The following LRP1B variants were observed in gnomAD, a reference collection of about 807,000 sequenced individuals.
LRP1B encodes the protein low-density lipoprotein receptor-related protein 1B.
In LRP1B, 217 loss-of-function variants were observed where a neutral mutation model predicts 556.6. The ratio of observed to expected loss-of-function variants is 0.39; its 90% confidence interval spans 0.35 to 0.44. The LOEUF is 0.44. LRP1B is among the 20% of genes least tolerant of loss of function. The pLI is 1.00. For synonymous variants in LRP1B, 2,047 were observed against 1,865.8 expected, an observed-to-expected ratio of 1.10 and a Z score of -2.50; for missense variants, 5,053 against 5,620.8, an observed-to-expected ratio of 0.90 and a Z score of 3.23.
At chr2:141,802,942 A>C (rs1337705980) in intron 2 of LRP1B, among the ~76,000 whole-genome samples, 2 of 152,084 alleles carry the variant, frequency 1.3e-5, no homozygotes, top group Non-Finnish European at 2.9e-5. Context: ...TTTACAGTAC[A>C]TCGTCTTTTA....
At chr2:141,416,501 T>G (rs1185835977) in intron 3 of LRP1B, among the ~76,000 whole-genome samples, 1 of 142,620 alleles carries the variant, frequency 7.0e-6, no homozygotes, top group Admixed American at 7.4e-5. Flanking sequence ...TCGCCCAGAC[T>G]GGAGTGCAGT....
At chr2:141,203,505 C>T (rs1408053662) in intron 6 of LRP1B, among the ~76,000 whole-genome samples, 1 of 152,098 alleles carries the variant, frequency 6.6e-6, no homozygotes, top group African/African-American at 2.4e-5. Context: ...TATATATGCA[C>T]CCAATACAGG....
At position 141,879,106 on chromosome 2, in the gene LRP1B, A is replaced by G. The variant is rs1379137061; in HGVS notation, c.83-68705T>C. 2.7e-5 allele frequency among the ~76,000 whole-genome samples: 4 copies of G among 150,798 alleles called. No homozygotes were observed. The East Asian group carries it at 7.7e-4, about 29-fold the overall frequency. ...ATATAATTATGATAAATCAAAATAT[A>G]TTTATTTACATGCATAAAATATAGG... On this transcript the variant is annotated intron_variant, in intron 1 of 90. Coordinates refer to ENST00000389484, the MANE Select transcript of LRP1B (RefSeq NM_018557.3).
chr2:141,707,392 G>T (rs907081359), intron 2 of LRP1B, among the ~76,000 whole-genome samples: 3 of 152,020 alleles, frequency 2.0e-5, no homozygotes, highest in Admixed American at 6.6e-5. Context: ...TCCTAGGAAG[G>T]ATCTGATACC....
At chr2:141,869,311 G>A (rs1321205766) in intron 1 of LRP1B, among the ~76,000 whole-genome samples, 1 of 151,898 alleles carries the variant, frequency 6.6e-6, no homozygotes, top group African/African-American at 2.4e-5. Context: ...TGTGGCTAGT[G>A]GCTACTACAT....
intron 18 of LRP1B, among the ~76,000 whole-genome samples, chr2:140,964,683 TA>T (rs939233416): frequency 1.3e-5 from 2 of 151,818 alleles, no homozygotes; most frequent in African/African-American, 2.4e-5. Flanking sequence ...AATATTGGAA[TA>T]AAAAGTAATT....
chr2:141,429,305 T>TTTTA (rs879407939), intron 3 of LRP1B, among the ~76,000 whole-genome samples: 3,811 of 152,218 alleles, frequency 0.025, 159 homozygotes, highest in African/African-American at 0.087. Context: ...AATATACACA[T>TTTTA]AGTATTTTCT....
At chr2:141,053,393 A>AT (rs1033134958) in intron 10 of LRP1B, among the ~76,000 whole-genome samples, 6 of 151,668 alleles carry the variant, frequency 4.0e-5, no homozygotes, top group African/African-American at 1.5e-4. Context: ...CCTCTTCTTT[A>AT]TTTTTTGCCA....
At chr2:140,490,006 G>A (rs1688634659) in intron 57 of LRP1B, among the ~76,000 whole-genome samples, 1 of 151,986 alleles carries the variant, frequency 6.6e-6, no homozygotes, top group East Asian at 1.9e-4. Flanking sequence ...CCAGTGCAAT[G>A]GTCTCTTTGC....
chr2:141,525,576 T>C (rs1684669174), intron 2 of LRP1B, among the ~76,000 whole-genome samples: 1 of 152,086 alleles, frequency 6.6e-6, no homozygotes, highest in South Asian at 2.1e-4. Context: ...ATTAAATAAT[T>C]ATGCTTTCAA....
chr2:140,784,411 C>CACACACACACAT lies in LRP1B; in HGVS notation c.5360-8174_5360-8173insATGTGTGTGTGT, dbSNP rs777213091. Among the ~76,000 whole-genome samples, 154 of 150,098 alleles carry CACACACACACAT rather than the reference C, an allele frequency of 1.0e-3. No homozygotes were observed. In the Middle Eastern group the frequency reaches 0.017, roughly 17 times the overall value. On this transcript the variant is annotated intron_variant, in intron 32 of 90. Transcript: ENST00000389484. The stretch of plus-strand genomic sequence containing the variant: ...ACACACACACACACACACACACACA[C>CACACACACACAT]ACACACACACAAAAGGCTCAGTGCA...
chr2:140,725,030 A>C (rs1687543247), intron 35 of LRP1B, among the ~76,000 whole-genome samples: 1 of 152,158 alleles, frequency 6.6e-6, no homozygotes, highest in Non-Finnish European at 1.5e-5. Context: ...AAACTGCCTT[A>C]AGGCCATGTA....
chr2:140,885,321 T>A (rs1264724876), intron 24 of LRP1B, among the ~76,000 whole-genome samples: 1 of 152,046 alleles, frequency 6.6e-6, no homozygotes, highest in Non-Finnish European at 1.5e-5. Flanking sequence ...GGGTGCAACA[T>A]TTCAAAAGAA....
chr2:141,824,344 T>A lies in LRP1B; in HGVS notation c.83-13943A>T, dbSNP rs577326433. ...CAAGATCAGGATATAAAAACACATCTGTCAAAAAGCCTGTTCTCATAACCC... is the reference window on the plus strand; with the variant it reads ...CAAGATCAGGATATAAAAACACATCAGTCAAAAAGCCTGTTCTCATAACCC... On this transcript the variant is annotated intron_variant, in intron 1 of 90. Transcript: ENST00000389484. 1.2e-4 allele frequency among the ~76,000 whole-genome samples: 19 copies of A among 152,322 alleles called. No homozygotes were observed. The East Asian group carries it at 3.7e-3, about 29-fold the overall frequency.
At chr2:140,904,561 G>A (rs1279373052) in intron 22 of LRP1B, among the ~76,000 whole-genome samples, 3 of 151,986 alleles carry the variant, frequency 2.0e-5, no homozygotes, top group African/African-American at 7.2e-5. Flanking sequence ...CTTTATATGG[G>A]TCAACTCTTC....
chr2:140,774,878 C>T (rs1689436880), intron 33 of LRP1B, among the ~76,000 whole-genome samples: 1 of 152,060 alleles, frequency 6.6e-6, no homozygotes, highest in Non-Finnish European at 1.5e-5. Flanking sequence ...AGAGAACAAA[C>T]AGATAACCAT....
At position 140,373,018 on chromosome 2, in the gene LRP1B, G is replaced by A. The variant is rs754943104; in HGVS notation, c.10758C>T (p.Ser3586=). ...CTTCAATCCTTTTACCTGGCTCACA[G>A]CTTTTCTCATCTTCCCCATATTTGC... is the stretch of plus-strand genomic sequence containing the variant. The part of the protein sequence containing the change: ...EDCKYGEDEK[S]CEPASPTCSS... The change falls in exon 69 of 91, where the codon AGC becomes AGT. Residue 3586 remains serine (S), a synonymous_variant. Coordinates refer to ENST00000389484, the MANE Select transcript of LRP1B (RefSeq NM_018557.3). 3 of 1,613,012 alleles carry A rather than the reference G, an allele frequency of 1.9e-6. No individual in the cohort carries two copies. The highest frequency in any genetic ancestry group is 2.5e-6 in the Non-Finnish European group (3 of 1,179,520).
intron 2 of LRP1B, among the ~76,000 whole-genome samples, chr2:141,797,650 T>G (rs1226261320): frequency 1.3e-5 from 2 of 152,162 alleles, no homozygotes; most frequent in Non-Finnish European, 2.9e-5. Flanking sequence ...CAAGACTCCT[T>G]CTATCTTGAA....
intron 1 of LRP1B, among the ~76,000 whole-genome samples, chr2:141,981,810 C>T (rs751062537): frequency 6.6e-6 from 1 of 152,064 alleles, no homozygotes; most frequent in Non-Finnish European, 1.5e-5. Context: ...AAAAGAGATG[C>T]TTGTCTTTCT....
Sources: gnomAD v4.1 joint callset for allele counts (sites outside exome capture counted in the v4.1 genomes callset) on GRCh38, gnomAD v4.1.1 for gene constraint, MANE v1.5 for transcripts, NCBI Gene and HGNC (gene_info 2026-07-23, HGNC 2026-07-21) for gene names.